Variants in DEPDC1B observed in about 807,000 individuals in gnomAD.
DEPDC1B encodes the protein DEP domain containing 1B, also known as DEP domain-containing protein 1B.
In DEPDC1B, 51 loss-of-function variants were observed where a neutral mutation model predicts 66.5. The observed-to-expected ratio is 0.77, with a 90% CI of 0.61 to 0.97. The LOEUF is 0.97. Among genes scored for constraint, DEPDC1B ranks in the 50% least tolerant of loss-of-function variants. DEPDC1B has a pLI of 0.00. For synonymous variants in DEPDC1B, 226 were observed against 223.6 expected (o/e 1.01, Z -0.10); for missense variants, 552 against 637.1 (o/e 0.87, Z 1.44).
At chr5:60,680,157 C>G (rs759248650) in intron 2 of DEPDC1B, among the ~76,000 whole-genome samples, 4 of 152,180 alleles carry the variant, frequency 2.6e-5, no homozygotes, top group Non-Finnish European at 5.9e-5. Context: ...GGTCATGAAG[C>G]TTTAAGACAC....
At chr5:60,660,336 G>C (rs1561380146) in intron 2 of DEPDC1B, among the ~76,000 whole-genome samples, 3 of 151,720 alleles carry the variant, frequency 2.0e-5, no homozygotes, top group Admixed American at 6.6e-5. Context: ...GAGAGAGAGA[G>C]AGAAAGAAAA....
At chr5:60,658,081 A>G (rs185602671) in intron 2 of DEPDC1B, among the ~76,000 whole-genome samples, 115 of 152,256 alleles carry the variant, frequency 7.6e-4, no homozygotes, top group African/African-American at 2.4e-3. Context: ...GTTTGATTCT[A>G]TCACTGAGAC....
chr5:60,618,214 C>G (rs1752610235), intron 7 of DEPDC1B, among the ~76,000 whole-genome samples: 1 of 152,030 alleles, frequency 6.6e-6, no homozygotes, highest in Non-Finnish European at 1.5e-5. Context: ...ACCCTAACAT[C>G]ACAATTAAAA....
intron 7 of DEPDC1B, among the ~76,000 whole-genome samples, chr5:60,626,972 G>A (rs1010897447): frequency 1.3e-5 from 2 of 152,034 alleles, no homozygotes; most frequent in African/African-American, 4.8e-5. Flanking sequence ...GAGGTTGGGG[G>A]TATCTATAAT....
chr5:60,620,000 C>T (rs1289922739), intron 7 of DEPDC1B, among the ~76,000 whole-genome samples: 6 of 152,010 alleles, frequency 3.9e-5, no homozygotes, highest in Middle Eastern at 3.2e-3. Context: ...TCTACAACTA[C>T]CTGATCTTTG....
intron 7 of DEPDC1B, among the ~76,000 whole-genome samples, chr5:60,613,293 A>G (rs1190494837): frequency 6.6e-6 from 1 of 152,174 alleles, no homozygotes; most frequent in Non-Finnish European, 1.5e-5. Flanking sequence ...AAGATAGTAG[A>G]CTCATGGAAA....
intron 1 of DEPDC1B, among the ~76,000 whole-genome samples, chr5:60,695,875 T>A (rs2112052610): frequency 6.6e-6 from 1 of 152,332 alleles, no homozygotes; most frequent in African/African-American, 2.4e-5. Context: ...CTCGGCTGAC[T>A]GCAACCTCCG....
At chr5:60,617,085 G>A (rs1752574994) in intron 7 of DEPDC1B, among the ~76,000 whole-genome samples, 1 of 152,158 alleles carries the variant, frequency 6.6e-6, no homozygotes, top group African/African-American at 2.4e-5. Flanking sequence ...ACAAGCAAAT[G>A]CTGAGAGATT....
intron 2 of DEPDC1B, among the ~76,000 whole-genome samples, chr5:60,662,889 G>A (rs1030514145): frequency 3.3e-5 from 5 of 152,116 alleles, no homozygotes; most frequent in East Asian, 1.9e-4. Flanking sequence ...GGACACTGAC[G>A]TGGCCTTCTC....
intron 7 of DEPDC1B, among the ~76,000 whole-genome samples, chr5:60,634,675 A>AAATAAAT (rs1753001256): frequency 4.1e-5 from 6 of 146,458 alleles, no homozygotes; most frequent in Non-Finnish European, 7.5e-5. Flanking sequence ...CTGTCTCAAA[A>AAATAAAT]AAATAAATAA....
chr5:60,656,621 G>T (rs1289007637), intron 2 of DEPDC1B, among the ~76,000 whole-genome samples: 6 of 152,168 alleles, frequency 3.9e-5, no homozygotes, highest in Non-Finnish European at 2.9e-5. Context: ...CTGCATTGCT[G>T]GGGAGGCCTT....
intron 7 of DEPDC1B, among the ~76,000 whole-genome samples, chr5:60,624,892 C>G (rs1223176990): frequency 3.3e-5 from 5 of 151,704 alleles, no homozygotes; most frequent in Non-Finnish European, 7.4e-5. Flanking sequence ...TATCCCTCCC[C>G]CTGCCCCCGA....
chr5:60,685,039 A>G (rs1164386168), intron 2 of DEPDC1B, among the ~76,000 whole-genome samples: 1 of 152,240 alleles, frequency 6.6e-6, no homozygotes, highest in African/African-American at 2.4e-5. Context: ...ATCTCACTTC[A>G]GTTAGAATGG....
chr5:60,675,427 C>G (rs1004251128), intron 2 of DEPDC1B, among the ~76,000 whole-genome samples: 4 of 152,082 alleles, frequency 2.6e-5, no homozygotes, highest in Non-Finnish European at 5.9e-5. Context: ...GAGAGATTAC[C>G]TAGGAACAAA....
chr5:60,625,280 C>A (rs1752788047), intron 7 of DEPDC1B, among the ~76,000 whole-genome samples: 1 of 152,112 alleles, frequency 6.6e-6, no homozygotes. Context: ...ATGGCTGGGT[C>A]AAATGGTATT....
chr5:60,693,323 G>A (rs2112047055), intron 1 of DEPDC1B, among the ~76,000 whole-genome samples: 1 of 152,204 alleles, frequency 6.6e-6, no homozygotes, highest in Non-Finnish European at 1.5e-5. Context: ...GTGGATGAAG[G>A]AGGGAAAGTA....
intron 7 of DEPDC1B, among the ~76,000 whole-genome samples, chr5:60,610,989 G>A (rs1324901149): frequency 1.3e-5 from 2 of 152,096 alleles, no homozygotes; most frequent in Admixed American, 6.5e-5. Flanking sequence ...GTATAACCTC[G>A]TTTTACTGCA....
intron 2 of DEPDC1B, among the ~76,000 whole-genome samples, chr5:60,651,056 A>T (rs1054208741): frequency 3.9e-5 from 6 of 152,214 alleles, no homozygotes; most frequent in African/African-American, 1.4e-4. Flanking sequence ...TACCTAAGCA[A>T]CAGGAAGAGG....
At chr5:60,618,177 G>C (rs1350422377) in intron 7 of DEPDC1B, among the ~76,000 whole-genome samples, 1 of 122,482 alleles carries the variant, frequency 8.2e-6, no homozygotes, top group Non-Finnish European at 1.7e-5. Context: ...ATGTCCACAA[G>C]AGAAAGCAGG....
Sources: allele counts gnomAD v4.1 joint callset (sites outside exome capture counted in the v4.1 genomes callset), GRCh38; gene constraint gnomAD v4.1.1; transcripts MANE v1.5; gene names NCBI Gene and HGNC (gene_info 2026-07-23, HGNC 2026-07-21).